MED13: variants seen among roughly 807,000 people sequenced by gnomAD.
MED13 encodes mediator of RNA polymerase II transcription subunit 13.
MED13 carries 23 observed loss-of-function variants against 225.2 expected under a neutral mutation model. That is an observed-to-expected ratio of 0.10 (90% CI 0.07 to 0.14). The LOEUF is 0.14. Among genes scored for constraint, MED13 ranks in the 10% least tolerant of loss-of-function variants. The pLI, the probability that MED13 is intolerant of heterozygous loss-of-function variation, is 1.00. For synonymous variants in MED13, 942 were observed against 889.2 expected (o/e 1.06, Z -1.06); for missense variants, 2,197 against 2,594.5 (o/e 0.85, Z 3.33).
At chr17:62,003,069 G>T (rs2080410952) in intron 9 of MED13, among the ~76,000 whole-genome samples, 1 of 152,102 alleles carries the variant, frequency 6.6e-6, no homozygotes, top group Non-Finnish European at 1.5e-5. Flanking sequence ...GGATGGGGCT[G>T]GAGGGATATA....
At chr17:61,993,352 C>G (rs955568469) in intron 10 of MED13, among the ~76,000 whole-genome samples, 8 of 151,400 alleles carry the variant, frequency 5.3e-5, no homozygotes, top group African/African-American at 1.9e-4. Context: ...CAGGCATGCA[C>G]CACCACACCT....
chr17:61,948,754 G>C (rs1476483099), intron 28 of MED13, among the ~76,000 whole-genome samples: 1 of 150,790 alleles, frequency 6.6e-6, no homozygotes, highest in South Asian at 2.1e-4. Context: ...ATGACTTGTG[G>C]ATTAAAAACA....
intron 2 of MED13, among the ~76,000 whole-genome samples, chr17:62,062,616 AC>A (rs2081049771): frequency 6.6e-6 from 1 of 151,134 alleles, no homozygotes; most frequent in African/African-American, 2.4e-5. Context: ...ACACACACAC[AC>A]ACACACACAC....
At chr17:62,017,033 T>A (rs9902699) in intron 8 of MED13, among the ~76,000 whole-genome samples, 11,629 of 148,690 alleles carry the variant, frequency 0.078, 1,474 homozygotes, top group African/African-American at 0.26. Flanking sequence ...ATAATAATAA[T>A]AAATAAATAA....
intron 24 of MED13, 123 bp downstream of exon 24, chr17:61,956,216 A>G: frequency 3.1e-6 from 3 of 964,166 alleles, no homozygotes; most frequent in Non-Finnish European, 4.5e-6. Context: ...TGGCCTAGAC[A>G]TATGTGGTTC....
At chr17:61,983,523 T>A (rs1346421701) in intron 15 of MED13, among the ~76,000 whole-genome samples, 1 of 152,196 alleles carries the variant, frequency 6.6e-6, no homozygotes, top group African/African-American at 2.4e-5. Flanking sequence ...ATGCTACCAC[T>A]TATAAGACAT....
At position 62,029,973 on chromosome 17, in the gene MED13, T is replaced by C; in HGVS notation, c.1050A>G (p.Ser350=). The C allele has an allele frequency of 6.2e-7, 1 of 1,610,786 alleles. No homozygotes were observed. The highest frequency in any genetic ancestry group is 8.5e-7 in the Non-Finnish European group (1 of 1,178,986). ...TATCGGAGTTGAAGCCATCAGATACTGAAGAAAATTTGACCCACTTCTGGA... is the reference window on the plus strand; with the variant it reads ...TATCGGAGTTGAAGCCATCAGATACCGAAGAAAATTTGACCCACTTCTGGA... ...QSVQKWVKFS[S]VSDGFNSDST... is the part of the protein sequence containing the mutation. Residue 350 remains serine (S), a synonymous_variant, in exon 7 of 30, where the codon TCA becomes TCG. Coordinates refer to ENST00000397786, the MANE Select transcript of MED13 (RefSeq NM_005121.3).
chr17:61,964,922 T>TGA, intron 20 of MED13, 84 bp downstream of exon 20: 3 of 1,312,926 alleles, frequency 2.3e-6, no homozygotes, highest in Non-Finnish European at 3.1e-6. Flanking sequence ...CGCAAAAGAG[T>TGA]GAGACTGTGT....
chr17:62,008,550 A>AG (rs1343977988), intron 9 of MED13, among the ~76,000 whole-genome samples: 3 of 152,044 alleles, frequency 2.0e-5, no homozygotes, highest in Non-Finnish European at 4.4e-5. Flanking sequence ...AATGCCTATG[A>AG]GTTCAAGGGG....
At chr17:61,983,630 G>T (rs1042206953) in intron 15 of MED13, among the ~76,000 whole-genome samples, 12 of 152,188 alleles carry the variant, frequency 7.9e-5, no homozygotes, top group African/African-American at 2.6e-4. Context: ...TGTAAAAATG[G>T]GAGCAATTTA....
intron 22 of MED13, among the ~76,000 whole-genome samples, 168 bp downstream of exon 22, chr17:61,961,414 GGAGGCT>G (rs1218634726): frequency 1.3e-5 from 2 of 151,440 alleles, no homozygotes; most frequent in African/African-American, 4.9e-5. Flanking sequence ...CAGCTACTCA[GGAGGCT>G]GAGGCAGGAG....
Position 61,982,644 on chromosome 17 carries a change from T to C in MED13, c.3359A>G (p.Tyr1120Cys). ...YIPDPTQEAQYRCTCGFSAVM... is the reference protein window; with the variant it reads ...YIPDPTQEAQCRCTCGFSAVM... Reference sequence around the variant, plus strand: ...AGCACTGAAGCCACAGGTACACCTATATTGTGCTTCCTGCGTTGGATCTGG... The same window carrying C: ...AGCACTGAAGCCACAGGTACACCTACATTGTGCTTCCTGCGTTGGATCTGG... The change falls in exon 16 of 30, where the codon TAT becomes TGT. Residue 1120 changes from tyrosine to cysteine, a missense_variant. Tyr to Cys is a radical substitution (Grantham distance 194). Around this residue, in one of 12 missense-constraint regions of MED13, gnomAD observed 99 missense variants for 158.5 expected, o/e 0.62. Transcript: ENST00000397786. 1 of 1,614,220 alleles carries C rather than the reference T, an allele frequency of 6.2e-7. No homozygotes were observed. Among genetic ancestry groups the C allele is most frequent in the Non-Finnish European group, 8.5e-7 (1 of 1,180,038 alleles).
chr17:62,019,937 G>A (rs534632374), intron 8 of MED13, among the ~76,000 whole-genome samples: 2 of 151,894 alleles, frequency 1.3e-5, no homozygotes, highest in East Asian at 1.9e-4. Flanking sequence ...GTAGAAACAC[G>A]GTTTCACTGC....
chr17:61,976,575 G>C (rs2080158243), intron 16 of MED13, among the ~76,000 whole-genome samples: 1 of 152,148 alleles, frequency 6.6e-6, no homozygotes, highest in African/African-American at 2.4e-5. Flanking sequence ...CAGCAAGTAT[G>C]TATTTTTTAT....
chr17:61,946,391 G>A lies in MED13; in HGVS notation c.*77C>T. ...CATCACAAATGACCTTCACTGAGAA[G>A]ATAATTGTAACTTAATCCTGCAGCG... is the stretch of plus-strand genomic sequence containing the variant. On this transcript the variant is annotated 3_prime_UTR_variant, in exon 30 of 30. Coordinates refer to ENST00000397786, the MANE Select transcript of MED13 (RefSeq NM_005121.3). 2 of 1,513,022 alleles carry A rather than the reference G, an allele frequency of 1.3e-6. No individual in the cohort carries two copies. The highest frequency in any genetic ancestry group is 2.3e-5 in the East Asian group (1 of 44,010). The allele number at this position is 1,513,022 out of a possible 1,614,324, so 93.7% of individuals were successfully genotyped here.
chr17:62,020,626 G>A (rs900576910), intron 8 of MED13, among the ~76,000 whole-genome samples: 17 of 148,884 alleles, frequency 1.1e-4, no homozygotes, highest in African/African-American at 4.0e-4. Context: ...TGATCCTCCC[G>A]CCTTGGCCTT....
chr17:62,057,431 T>A (rs916473947), intron 2 of MED13, among the ~76,000 whole-genome samples: 1 of 152,058 alleles, frequency 6.6e-6, no homozygotes, highest in Non-Finnish European at 1.5e-5. Context: ...GCAGAAGAAA[T>A]ACAGCAAATG....
chr17:61,977,781 T>A (rs1338725530), intron 16 of MED13, among the ~76,000 whole-genome samples: 2 of 152,010 alleles, frequency 1.3e-5, no homozygotes, highest in East Asian at 3.9e-4. Context: ...AATTTTTAAT[T>A]GAAATATAAA....
rs748827197 is a variant in MED13, at chr17:61,964,986, A to G, written c.4844+20T>C. On this transcript the variant is annotated intron_variant, in intron 20 of 29. Coordinates refer to ENST00000397786, the MANE Select transcript of MED13 (RefSeq NM_005121.3). ...TCATAGTTTTTATATTTCTGCAAAA[A>G]TCAGTATTTTTAAAGGTACCTTTCA... 5 of 1,590,876 alleles carry G rather than the reference A, an allele frequency of 3.1e-6. No homozygotes were observed. The highest frequency in any genetic ancestry group is 4.3e-6 in the Non-Finnish European group (5 of 1,169,674).
Sources: gnomAD v4.1 joint callset for allele counts (sites outside exome capture counted in the v4.1 genomes callset) on GRCh38, gnomAD v4.1.1 for gene constraint, gnomAD v4.1.1 regional missense constraint, MANE v1.5 for transcripts, NCBI Gene and HGNC (gene_info 2026-07-23, HGNC 2026-07-21) for gene names.